KNDC1: variants seen among roughly 807,000 people sequenced by gnomAD.
KNDC1 encodes kinase non-catalytic C-lobe domain-containing protein 1.
In KNDC1, 106 loss-of-function variants were observed where a neutral mutation model predicts 172.8. That is an observed-to-expected ratio of 0.61 (90% CI 0.52 to 0.72). KNDC1 has a LOEUF of 0.72. Among genes scored for constraint, KNDC1 ranks in the 30% least tolerant of loss-of-function variants. The pLI is 0.00. For synonymous variants in KNDC1, 1,083 were observed against 1,062.2 expected (o/e 1.02, Z -0.38); for missense variants, 2,325 against 2,394.5 (o/e 0.97, Z 0.61).
chr10:133,197,735 C>G lies in KNDC1; in HGVS notation c.1873C>G (p.Pro625Ala), dbSNP rs772376905. ...CGCCTTCTCAGTGGTTGAACTGAAG[C>G]CCAGTGTGGCACCAGCCCCAGAGCC... Reference protein sequence around the residue: ...QNAFSVVELKPSVAPAPEPSP... With the variant: ...QNAFSVVELKASVAPAPEPSP... Residue 625 changes from proline (P) to alanine (A), a missense_variant, in exon 12 of 30, where the codon CCC becomes GCC. Transcript: ENST00000304613. 6.2e-7 allele frequency: 1 copy of G among 1,613,012 alleles called. No homozygotes were observed. The highest frequency in any genetic ancestry group is 2.2e-5 in the East Asian group (1 of 44,882).
rs929199094 is a variant in KNDC1 at position 133,209,762 on chromosome 10, C to A, written c.3795-849C>A. Among the ~76,000 whole-genome samples, 2 of 152,024 alleles carry A rather than the reference C, an allele frequency of 1.3e-5. No homozygotes were observed. The highest frequency in any genetic ancestry group is 4.8e-5 in the African/African-American group (2 of 41,362). On this transcript the variant is annotated intron_variant, in intron 20 of 29. Transcript: ENST00000304613. The surrounding 1 kb of genome is among the most constrained non-coding windows in gnomAD (Gnocchi z 4.9). Reference sequence around the variant, plus strand: ...GGGCTGGGGCTGTGGCCACCTGTGTCCTCGGACCCCAGGTGAGTGGGTGAC... The same window carrying A: ...GGGCTGGGGCTGTGGCCACCTGTGTACTCGGACCCCAGGTGAGTGGGTGAC...
At chr10:133,171,340 G>A (rs1428097761) in intron 3 of KNDC1, among the ~76,000 whole-genome samples, 7 of 151,958 alleles carry the variant, frequency 4.6e-5, no homozygotes, top group Non-Finnish European at 8.8e-5. Context: ...GAGCAATCAC[G>A]GCTCACTGCA....
chr10:133,181,156 C>T (rs1853706096), intron 3 of KNDC1, among the ~76,000 whole-genome samples: 3 of 151,866 alleles, frequency 2.0e-5, no homozygotes, highest in Admixed American at 1.3e-4. Flanking sequence ...GGGGCACCCA[C>T]TGACGCCACA....
At chr10:133,160,995 G>A (rs1170204982) in intron 1 of KNDC1, among the ~76,000 whole-genome samples, 9 of 151,958 alleles carry the variant, frequency 5.9e-5, no homozygotes, top group African/African-American at 9.7e-5. Context: ...GGGGTGGGGG[G>A]AGCGCTGGAT....
chr10:133,188,662 C>T lies in KNDC1; in HGVS notation c.1441+9C>T, dbSNP rs377507225. On this transcript the variant is annotated intron_variant, in intron 7 of 29. Transcript: ENST00000304613. The stretch of plus-strand genomic sequence containing the variant: ...ACGCCCTGAGCACCCAGGTGACGCA[C>T]GCACCATCCCATCCCCCCCGCCGTC... 90 of 1,530,830 alleles carry T rather than the reference C, an allele frequency of 5.9e-5. No homozygotes were observed. Among genetic ancestry groups the T allele is most frequent in the Non-Finnish European group, 7.3e-5 (83 of 1,132,224 alleles). The allele number at this position is 1,530,830 out of a possible 1,614,324, so 94.8% of individuals were successfully genotyped here.
chr10:133,166,464 T>A (rs1853158639), intron 1 of KNDC1, among the ~76,000 whole-genome samples: 2 of 152,146 alleles, frequency 1.3e-5, no homozygotes, highest in African/African-American at 4.8e-5. Flanking sequence ...TGTGCATGTC[T>A]GTGCGTGCAT....
chr10:133,166,434 T>C (rs1326705990), intron 1 of KNDC1, among the ~76,000 whole-genome samples: 1 of 149,406 alleles, frequency 6.7e-6, no homozygotes, highest in African/African-American at 2.4e-5. Flanking sequence ...GCACCAAGTG[T>C]GGGAATGGGT....
intron 2 of KNDC1, 57 bp from the exon 3 acceptor site, chr10:133,168,197 G>T (rs1186160551): frequency 2.0e-6 from 3 of 1,525,636 alleles, no homozygotes; most frequent in African/African-American, 2.7e-5. Context: ...CAGCTGGCGG[G>T]TTCAGGTTTG....
intron 26 of KNDC1, among the ~76,000 whole-genome samples, chr10:133,215,207 C>T (rs1845448158): frequency 6.6e-6 from 1 of 152,228 alleles, no homozygotes; most frequent in South Asian, 2.1e-4. Flanking sequence ...CTCCCGGCCA[C>T]GAACCCCATC....
chr10:133,195,217 G>A (rs374585768), intron 9 of KNDC1, among the ~76,000 whole-genome samples: 24 of 152,352 alleles, frequency 1.6e-4, no homozygotes, highest in South Asian at 1.0e-3. Flanking sequence ...GCACACAGGC[G>A]GTGTGTTCGC....
In KNDC1 at chr10:133,201,797, G is replaced by A. The variant is rs773223284; in HGVS notation, c.3286G>A (p.Ala1096Thr). 4.5e-5 allele frequency: 68 copies of A among 1,525,616 alleles called. No homozygotes were observed. The highest frequency in any genetic ancestry group is 6.6e-5 in the Admixed American group (3 of 45,382). 94.5% of individuals were successfully genotyped at this position (1,525,616 alleles called of 1,614,324 possible). ...GAGCTGCAGCCCCGGCTGGTGCAGCGCCTTCTACGAGGCCGACTGCTTCGG... is the reference window on the plus strand; with the variant it reads ...GAGCTGCAGCCCCGGCTGGTGCAGCACCTTCTACGAGGCCGACTGCTTCGG... ...FQSCSPGWCS[A>T]FYEADCFGAD... is the part of the protein sequence containing the mutation. The change falls in exon 17 of 30, where the codon GCC becomes ACC. Residue 1096 changes from alanine to threonine, a missense_variant. Coordinates refer to ENST00000304613, the MANE Select transcript of KNDC1 (RefSeq NM_152643.8).
Position 133,225,615 on chromosome 10 carries a change from G to C in KNDC1, c.*725G>C, listed in dbSNP as rs1845703490. 1.3e-5 allele frequency: 2 copies of C among 152,626 alleles called. No individual in the cohort carries two copies. Among genetic ancestry groups the C allele is most frequent in the African/African-American group, 4.8e-5 (2 of 41,580 alleles). The allele number at this position is 152,626 out of a possible 1,614,324, so 9.5% of individuals were successfully genotyped here. On this transcript the variant is annotated 3_prime_UTR_variant, in exon 30 of 30. Transcript: ENST00000304613. ...GTGAGGTGGTCATGCCCGGGCAAAGGCCCTGCTTCCTGGAAAGGACACTCA... is the reference window on the plus strand; with the variant it reads ...GTGAGGTGGTCATGCCCGGGCAAAGCCCCTGCTTCCTGGAAAGGACACTCA...
rs145879360 is a variant in KNDC1, at chr10:133,188,584, C to T, written c.1372C>T (p.Arg458Trp). The change falls in exon 7 of 30, where the codon CGG (arginine) becomes TGG (tryptophan). Residue 458 changes from arginine to tryptophan, a missense_variant. Transcript: ENST00000304613. ...DLLSQLGRPF[R>W]EYELWALCLA... ...CCTGTCCCAGCTGGGCCGGCCCTTC[C>T]GGGAGTACGAGCTGTGGGCCCTGTG... The T allele has an allele frequency of 8.0e-5, 128 of 1,593,722 alleles. 1 individual carries two copies. The highest frequency in any genetic ancestry group is 3.0e-4 in the South Asian group (26 of 87,918).
intron 17 of KNDC1, 129 bp downstream of exon 17, chr10:133,202,027 G>C (rs1259091289): frequency 9.3e-7 from 1 of 1,077,694 alleles, no homozygotes; most frequent in Non-Finnish European, 1.4e-6. Flanking sequence ...TGGTCCTGGT[G>C]CCCCCACCCC....
rs552304073 is a variant in KNDC1, at chr10:133,209,491, G to A, written c.3795-1120G>A. On this transcript the variant is annotated intron_variant, in intron 20 of 29. Transcript: ENST00000304613. The surrounding 1 kb of genome is among the most constrained non-coding windows in gnomAD (Gnocchi z 4.9). Reference sequence around the variant, plus strand: ...GCTTGTGTGCGCGTGTGTGGTGTGCGCGTCTGGTTGTGGAGTTCTGTGTGG... The same window carrying A: ...GCTTGTGTGCGCGTGTGTGGTGTGCACGTCTGGTTGTGGAGTTCTGTGTGG... Among the ~76,000 whole-genome samples, 134 of 151,708 alleles carry A rather than the reference G, an allele frequency of 8.8e-4. No homozygotes were observed. The highest frequency in any genetic ancestry group is 2.9e-3 in the African/African-American group (120 of 41,286).
At chr10:133,221,368 C>T (rs1052885455) in intron 29 of KNDC1, among the ~76,000 whole-genome samples, 16 of 152,246 alleles carry the variant, frequency 1.1e-4, no homozygotes, top group Middle Eastern at 3.4e-3. Context: ...ACCCACAGGG[C>T]TCACACCCCA....
intron 20 of KNDC1, among the ~76,000 whole-genome samples, chr10:133,207,826 C>T (rs1433902396): frequency 1.3e-5 from 2 of 152,216 alleles, no homozygotes; most frequent in African/African-American, 2.4e-5. Flanking sequence ...GGTGTGCGTA[C>T]GTACGCCTGC....
In KNDC1 at chr10:133,224,898, CG is replaced by C. The variant is rs1845690200; in HGVS notation, c.*11del. On this transcript the variant is annotated 3_prime_UTR_variant, in exon 30 of 30. Transcript: ENST00000304613. The surrounding 1 kb of genome is among the most constrained non-coding windows in gnomAD (Gnocchi z 5.4). ...AAGGCTACATTCCAGTAGCCGAGCT[CG>C]GGCCTGGTGTGGAATTCCAGATCCG... is the stretch of plus-strand genomic sequence containing the variant. 6.2e-7 allele frequency: 1 copy of C among 1,604,188 alleles called. No individual in the cohort carries two copies. Among genetic ancestry groups the C allele is most frequent in the South Asian group, 1.1e-5 (1 of 90,738 alleles).
At chr10:133,190,301 C>T (rs1854042219) in intron 9 of KNDC1, among the ~76,000 whole-genome samples, 2 of 132,422 alleles carry the variant, frequency 1.5e-5, no homozygotes, top group Admixed American at 7.0e-5. Flanking sequence ...GCTAACCACC[C>T]TGCATTAAAC....
Sources: gnomAD v4.1 joint callset for allele counts (sites outside exome capture counted in the v4.1 genomes callset) on GRCh38, gnomAD v4.1.1 for gene constraint, Gnocchi (gnomAD v3.1) non-coding constraint, MANE v1.5 for transcripts, NCBI Gene and HGNC (gene_info 2026-07-23, HGNC 2026-07-21) for gene names.